ALK: variants seen among roughly 807,000 people sequenced by gnomAD.
The protein encoded by ALK is ALK tyrosine kinase receptor.
ALK carries 74 observed loss-of-function variants against 163.1 expected under a neutral mutation model. The observed-to-expected ratio is 0.45, with a 90% CI of 0.38 to 0.55. The LOEUF (loss-of-function observed/expected upper bound fraction) is 0.55. Ranked by LOEUF, ALK falls within the 20% of genes least tolerant of loss-of-function variation. ALK has a pLI of 0.00. For missense variants in ALK, 2,063 were observed against 2,105.3 expected, an observed-to-expected ratio of 0.98 and a Z score of 0.39; for synonymous variants, 960 against 843.2, an observed-to-expected ratio of 1.14 and a Z score of -2.40.
At chr2:29,530,062 CTTTTTTTTTTT>C (rs10536963) in intron 4 of ALK, among the ~76,000 whole-genome samples, 5 of 101,892 alleles carry the variant, frequency 4.9e-5, no homozygotes, top group Admixed American at 2.1e-4. Flanking sequence ...AATAATCGCT[CTTTTTTTTTTT>C]TTTTTTTTTT....
chr2:29,869,091 T>C (rs1666513420), intron 1 of ALK, among the ~76,000 whole-genome samples: 1 of 152,152 alleles, frequency 6.6e-6, no homozygotes, highest in African/African-American at 2.4e-5. Flanking sequence ...TACTGAGTCT[T>C]CCTCAGACTC....
At chr2:29,568,192 C>G (rs1428909580) in intron 3 of ALK, among the ~76,000 whole-genome samples, 1 of 152,202 alleles carries the variant, frequency 6.6e-6, no homozygotes, top group Non-Finnish European at 1.5e-5. Flanking sequence ...GGGTTTCTGC[C>G]TGGCTGCGGA....
intron 1 of ALK, among the ~76,000 whole-genome samples, chr2:29,905,415 G>A (rs972493923): frequency 1.3e-5 from 2 of 152,194 alleles, no homozygotes; most frequent in Non-Finnish European, 2.9e-5. Flanking sequence ...GTTCTGAAGA[G>A]AAGAAAGGTC....
Position 29,442,307 on chromosome 2 carries a change from T to TA in ALK, c.1155-58449dup, listed in dbSNP as rs67282936. Reference sequence around the variant, plus strand: ...TGTTACTTTCTTTCCTCTGATAAATTAAAAAAAAAAAAATGTTGAGACTTC... The same window carrying TA: ...TGTTACTTTCTTTCCTCTGATAAATTAAAAAAAAAAAAAATGTTGAGACTTC... On this transcript the variant is annotated intron_variant, in intron 4 of 28. Transcript: ENST00000389048. Among the ~76,000 whole-genome samples the TA allele has an allele frequency of 1.3e-4, 20 of 149,940 alleles. No individual in the cohort carries two copies. In the South Asian group the frequency reaches 1.9e-3, roughly 14 times the overall value.
At chr2:29,265,746 G>C (rs1361910722) in intron 11 of ALK, among the ~76,000 whole-genome samples, 1 of 152,160 alleles carries the variant, frequency 6.6e-6, no homozygotes, top group East Asian at 1.9e-4. Context: ...TCAGCACTTT[G>C]GGAGGCCTAG....
At chr2:29,565,093 C>T (rs1234964745) in intron 3 of ALK, among the ~76,000 whole-genome samples, 1 of 152,224 alleles carries the variant, frequency 6.6e-6, no homozygotes, top group Non-Finnish European at 1.5e-5. Context: ...GGAGAAGGGA[C>T]TAATGTACAA....
chr2:29,222,718 G>A (rs566795142), intron 20 of ALK, 111 bp from the exon 21 acceptor site: 8 of 888,044 alleles, frequency 9.0e-6, no homozygotes, highest in Non-Finnish European at 1.5e-5. Context: ...CGAGAGGCGG[G>A]GGTAACATAC....
At chr2:29,305,442 T>C (rs1199352543) in intron 8 of ALK, among the ~76,000 whole-genome samples, 1 of 152,224 alleles carries the variant, frequency 6.6e-6, no homozygotes, top group African/African-American at 2.4e-5. Context: ...GTATCAGTTC[T>C]TACTGAGTAT....
At chr2:29,787,483 T>C (rs1664065900) in intron 1 of ALK, among the ~76,000 whole-genome samples, 1 of 152,216 alleles carries the variant, frequency 6.6e-6, no homozygotes, top group South Asian at 2.1e-4. Context: ...ACACATCATG[T>C]ATGTGAAGAT....
intron 5 of ALK, among the ~76,000 whole-genome samples, chr2:29,334,643 GTCT>G (rs1667554664): frequency 6.6e-6 from 1 of 152,202 alleles, no homozygotes; most frequent in Non-Finnish European, 1.5e-5. Context: ...CCCAGGACCT[GTCT>G]TCCTGGGTGG....
At chr2:29,217,396 T>A (rs1459321416) in intron 23 of ALK, among the ~76,000 whole-genome samples, 1 of 35,430 alleles carries the variant, frequency 2.8e-5, no homozygotes. Flanking sequence ...ATGGGTGGGG[T>A]GGGGTGGGAG....
intron 26 of ALK, among the ~76,000 whole-genome samples, chr2:29,200,773 G>T (rs56183806): frequency 7.5e-6 from 1 of 132,522 alleles, no homozygotes; most frequent in Non-Finnish European, 1.6e-5. Flanking sequence ...ATATATATAC[G>T]TATATATATG....
At chr2:29,312,527 G>A (rs575573458) in intron 8 of ALK, among the ~76,000 whole-genome samples, 4 of 152,282 alleles carry the variant, frequency 2.6e-5, no homozygotes, top group South Asian at 2.1e-4. Context: ...AGGAGATGGC[G>A]TGGCTGTTGG....
intron 1 of ALK, among the ~76,000 whole-genome samples, chr2:29,912,569 T>G (rs760121042): frequency 2.6e-5 from 4 of 151,876 alleles, no homozygotes; most frequent in Non-Finnish European, 5.9e-5. Context: ...AATAATAAAA[T>G]AGGAAATATT....
chr2:29,873,459 G>A (rs1017116519), intron 1 of ALK, among the ~76,000 whole-genome samples: 5 of 152,180 alleles, frequency 3.3e-5, no homozygotes, highest in African/African-American at 1.2e-4. Context: ...CAGGCACTGA[G>A]AATGGGAAAC....
At chr2:29,297,098 T>A (rs1468196973) in intron 8 of ALK, 41 bp from the exon 9 acceptor site, 3 of 1,613,108 alleles carry the variant, frequency 1.9e-6, no homozygotes, top group Non-Finnish European at 2.5e-6. Context: ...GTATGATTGC[T>A]GAAAGGTCCC....
chr2:29,538,591 A>T (rs1297782016), intron 3 of ALK, among the ~76,000 whole-genome samples: 1 of 152,092 alleles, frequency 6.6e-6, no homozygotes, highest in African/African-American at 2.4e-5. Context: ...AGTTACCCAG[A>T]CTCAGGTGTT....
intron 9 of ALK, among the ~76,000 whole-genome samples, chr2:29,279,824 T>C (rs4666189): frequency 0.91 from 138,066 of 152,276 alleles, 63,542 homozygotes; most frequent in Non-Finnish European, 0.99. Context: ...GAGTCAGCTA[T>C]GGCCTCAGGT....
intron 2 of ALK, among the ~76,000 whole-genome samples, chr2:29,699,474 C>T (rs888221597): frequency 1.4e-4 from 21 of 152,346 alleles, no homozygotes; most frequent in African/African-American, 5.1e-4. Context: ...TTGTTCATCT[C>T]TCTCCTGCAG....
Sources: allele counts gnomAD v4.1 joint callset (sites outside exome capture counted in the v4.1 genomes callset), GRCh38; gene constraint gnomAD v4.1.1; transcripts MANE v1.5; gene names NCBI Gene and HGNC (gene_info 2026-07-23, HGNC 2026-07-21).